ADCK5: variants seen among roughly 807,000 people sequenced by gnomAD.
The protein encoded by ADCK5 is uncharacterized aarF domain-containing protein kinase 5.
ADCK5 carries 43 observed loss-of-function variants against 64.9 expected under a neutral mutation model. That is an observed-to-expected ratio of 0.66 (90% confidence interval 0.52 to 0.85). The LOEUF is 0.85. Among genes scored for constraint, ADCK5 ranks in the 40% least tolerant of loss-of-function variants. The pLI, the probability that ADCK5 is intolerant of heterozygous loss-of-function variation, is 0.00. For synonymous variants in ADCK5, 434 were observed against 342.8 expected (o/e 1.27, Z -2.94); for missense variants, 760 against 810.5 (o/e 0.94, Z 0.76).
rs782622492 is a variant in ADCK5 at position 144,392,820 on chromosome 8, G to A, written c.1565G>A (p.Gly522Asp). 5.0e-6 allele frequency: 8 copies of A among 1,593,250 alleles called. No homozygotes were observed. Among genetic ancestry groups the A allele is most frequent in the East Asian group, 2.3e-5 (1 of 44,360 alleles). The change falls in exon 14 of 15, where the codon GGT (glycine) becomes GAT (aspartate). Residue 522 changes from glycine to aspartate, a missense_variant. Physicochemically the swap from Gly to Asp is moderately conservative, Grantham distance 94 (BLOSUM62 -1). Transcript: ENST00000308860. ...WSRLAGATYRGVYGTSLLRHA... is the reference protein window; with the variant it reads ...WSRLAGATYRDVYGTSLLRHA... ...CGCCTGGCGGGCGCCACGTATCGGG[G>A]TGTCTACGGCACCAGCCTCCTGCGC...
intron 1 of ADCK5, among the ~76,000 whole-genome samples, chr8:144,375,225 C>G (rs1554856894): frequency 1.3e-5 from 2 of 152,214 alleles, no homozygotes; most frequent in Non-Finnish European, 2.9e-5. Context: ...TTAGGAGCTG[C>G]TCATGGCCAG....
chr8:144,386,446 C>G (rs1294500738), intron 3 of ADCK5, among the ~76,000 whole-genome samples: 3 of 151,722 alleles, frequency 2.0e-5, no homozygotes, highest in African/African-American at 7.3e-5. Context: ...CAACCTCCAT[C>G]TCCCGGGTTC....
intron 3 of ADCK5, 152 bp downstream of exon 3, chr8:144,383,382 C>T (rs782498725): frequency 1.4e-4 from 174 of 1,231,816 alleles, no homozygotes; most frequent in Non-Finnish European, 1.9e-4. Flanking sequence ...GCTTTTCAGG[C>T]GTCCTTTCCT....
chr8:144,376,494 G>A lies in ADCK5; in HGVS notation c.12+2387G>A, dbSNP rs1819371378. Among the ~76,000 whole-genome samples the A allele has an allele frequency of 1.3e-5, 2 of 152,192 alleles. No homozygotes were observed. Among genetic ancestry groups the A allele is most frequent in the African/African-American group, 2.4e-5 (1 of 41,452 alleles). ...GGGATCTCTGTCCTGGATAAGAATG[G>A]GAGTGAGAGACGCAGCTGGAGCCCC... On this transcript the variant is annotated intron_variant, in intron 1 of 14. Coordinates refer to ENST00000308860, the MANE Select transcript of ADCK5 (RefSeq NM_174922.5). The surrounding 1 kb of genome is among the most constrained non-coding windows in gnomAD (Gnocchi z 5.1).
Position 144,392,178 on chromosome 8 carries a change from C to CGG in ADCK5, c.1175+10_1175+11dup, listed in dbSNP as rs1586598766. On this transcript the variant is annotated intron_variant, in intron 11 of 14. Coordinates refer to ENST00000308860, the MANE Select transcript of ADCK5 (RefSeq NM_174922.5). Reference sequence around the variant, plus strand: ...CCAGTTCCTGGAGGAGAAGTGAGCGCGGGTGGGTGGGCGTGGGGCAGGGCA... The same window carrying CGG: ...CCAGTTCCTGGAGGAGAAGTGAGCGCGGGGGTGGGTGGGCGTGGGGCAGGGCA... 1 of 339,080 alleles carries CGG rather than the reference C, an allele frequency of 2.9e-6. No individual in the cohort carries two copies. 21.0% of individuals were successfully genotyped at this position (339,080 alleles called of 1,614,324 possible). A position where few individuals can be genotyped will look rare whatever the true frequency, so the allele number is the denominator to read the frequency against.
In ADCK5 at chr8:144,393,185, T is replaced by A; in HGVS notation, c.*111T>A. ...CGTGGGCACTCGCACTGGGGGGCTG[T>A]GACAGCAGCTGGGCCAGGAGGCCGT... On this transcript the variant is annotated 3_prime_UTR_variant, in exon 15 of 15. Transcript: ENST00000308860. 7.4e-7 allele frequency: 1 copy of A among 1,343,110 alleles called. No individual in the cohort carries two copies. Among genetic ancestry groups the A allele is most frequent in the Non-Finnish European group, 1.0e-6 (1 of 1,003,820 alleles). 83.2% of individuals were successfully genotyped at this position (1,343,110 alleles called of 1,614,324 possible).
chr8:144,387,612 C>T (rs1374082274), intron 3 of ADCK5, among the ~76,000 whole-genome samples: 1 of 150,780 alleles, frequency 6.6e-6, no homozygotes, highest in East Asian at 2.0e-4. Context: ...TCCATGTTGG[C>T]CAAGCTGGTC....
At position 144,374,113 on chromosome 8, in the gene ADCK5, G is replaced by T. The variant is rs1182208558; in HGVS notation, c.12+6G>T. ...GGTCGGAGATGTGGCGACCGGTGAG[G>T]ACTCTCCCGGCCCGGGGCGCCCGAG... On this transcript the variant is annotated splice_donor_region_variant and intron_variant, in intron 1 of 14. Coordinates refer to ENST00000308860, the MANE Select transcript of ADCK5 (RefSeq NM_174922.5). The T allele has an allele frequency of 7.2e-6, 9 of 1,248,810 alleles. No individual in the cohort carries two copies. The highest frequency in any genetic ancestry group is 8.1e-6 in the Non-Finnish European group (8 of 989,018). 77.4% of individuals were successfully genotyped at this position (1,248,810 alleles called of 1,614,324 possible).
At chr8:144,382,573 C>T (rs1180454329) in intron 2 of ADCK5, among the ~76,000 whole-genome samples, 11 of 152,226 alleles carry the variant, frequency 7.2e-5, no homozygotes, top group African/African-American at 2.4e-4. Flanking sequence ...CTGTATTCAG[C>T]GTGTATGGTG....
chr8:144,388,783 C>A (rs546829819), intron 3 of ADCK5, among the ~76,000 whole-genome samples: 2 of 151,740 alleles, frequency 1.3e-5, no homozygotes, highest in South Asian at 4.2e-4. Context: ...AAAAAAGAAA[C>A]CGAAACCCTG....
rs1554860760 is a variant in ADCK5, at chr8:144,391,802, T to A, written c.950T>A (p.Phe317Tyr). Reference protein sequence around the residue: ...KSSKRVLTADFCAGCKVNDVE... With the variant: ...KSSKRVLTADYCAGCKVNDVE... ...CCCCAGCGCGTGCTCACTGCCGACT[T>A]CTGCGCCGGCTGCAAGGTCAACGAT... Residue 317 changes from phenylalanine (F) to tyrosine (Y), a missense_variant, in exon 9 of 15, where the codon TTC becomes TAC. Around this residue, in one of 2 missense-constraint regions of ADCK5, gnomAD observed 427 missense variants for 518.4 expected, o/e 0.82. Transcript: ENST00000308860. 1 of 1,558,912 alleles carries A rather than the reference T, an allele frequency of 6.4e-7. No homozygotes were observed. Among genetic ancestry groups the A allele is most frequent in the Admixed American group, 1.8e-5 (1 of 54,652 alleles).
Position 144,392,498 on chromosome 8 carries a change from C to T in ADCK5, c.1321C>T (p.Leu441=). The T allele has an allele frequency of 2.0e-6, 3 of 1,512,424 alleles. No individual in the cohort carries two copies. Among genetic ancestry groups the T allele is most frequent in the Non-Finnish European group, 1.8e-6 (2 of 1,133,958 alleles). 93.7% of individuals were successfully genotyped at this position (1,512,424 alleles called of 1,614,324 possible). A position where few individuals can be genotyped will look rare whatever the true frequency, so the allele number is the denominator to read the frequency against. ...LMQRPVRLGQ[L]WGSHLLSREE... ...GCAGCGCCCCGTGCGCCTGGGGCAG[C>T]TGTGGGGCTCGCACCTACTGAGCCG... The change falls in exon 13 of 15, where the codon CTG becomes TTG. Residue 441 remains leucine, a synonymous_variant. Transcript: ENST00000308860.
chr8:144,381,693 C>T (rs1333350266), intron 2 of ADCK5, among the ~76,000 whole-genome samples: 109 of 147,810 alleles, frequency 7.4e-4, no homozygotes, highest in African/African-American at 2.5e-3. Flanking sequence ...AATTATGGGC[C>T]GGGTGTAGAA....
rs1047857709 is a variant in ADCK5 at position 144,383,770 on chromosome 8, G to A, written c.266+540G>A. On this transcript the variant is annotated intron_variant, in intron 3 of 14. Transcript: ENST00000308860. Reference sequence around the variant, plus strand: ...GAGGACACCTTCTGTTGGAACCCTTGGGTGGGCATTCCTGCTTTTGTCAGA... The same window carrying A: ...GAGGACACCTTCTGTTGGAACCCTTAGGTGGGCATTCCTGCTTTTGTCAGA... Among the ~76,000 whole-genome samples, 8 of 152,262 alleles carry A rather than the reference G, an allele frequency of 5.3e-5. No individual in the cohort carries two copies. In the East Asian group the frequency reaches 1.2e-3, roughly 22 times the overall value.
At chr8:144,374,519 C>A (rs1819284830) in intron 1 of ADCK5, among the ~76,000 whole-genome samples, 1 of 152,142 alleles carries the variant, frequency 6.6e-6, no homozygotes, top group Non-Finnish European at 1.5e-5. Context: ...CACCGGGAGC[C>A]GCAGGGGCCC....
At chr8:144,388,514 C>T (rs1410119910) in intron 3 of ADCK5, among the ~76,000 whole-genome samples, 3 of 149,934 alleles carry the variant, frequency 2.0e-5, no homozygotes, top group Non-Finnish European at 4.4e-5. Context: ...CCTGTAATCC[C>T]AGCACTTTGG....
intron 1 of ADCK5, among the ~76,000 whole-genome samples, chr8:144,377,959 T>C (rs960215564): frequency 1.3e-4 from 20 of 152,258 alleles, no homozygotes; most frequent in Admixed American, 2.0e-4. Context: ...GTCAGGGTGC[T>C]GCCAAGAGAG....
In ADCK5 at chr8:144,388,763, C is replaced by CA. The variant is rs1294944738; in HGVS notation, c.267-1893dup. Reference sequence around the variant, plus strand: ...GGGCGACAGAGCGAGACTCCGTCTCCAAAAAAAAAAAAAAAGAAACCGAAA... The same window carrying CA: ...GGGCGACAGAGCGAGACTCCGTCTCCAAAAAAAAAAAAAAAAGAAACCGAAA... On this transcript the variant is annotated intron_variant, in intron 3 of 14. Coordinates refer to ENST00000308860, the MANE Select transcript of ADCK5 (RefSeq NM_174922.5). Among the ~76,000 whole-genome samples, 620 of 109,178 alleles carry CA rather than the reference C, an allele frequency of 5.7e-3. 6 individuals are homozygous for CA. The highest frequency in any genetic ancestry group is 0.016 in the African/African-American group (448 of 28,640). 71.6% of individuals were successfully genotyped at this position (109,178 alleles called of 152,430 possible). A position where few individuals can be genotyped will look rare whatever the true frequency, so the allele number is the denominator to read the frequency against.
At position 144,390,927 on chromosome 8, in the gene ADCK5, C is replaced by T. The variant is rs202165926; in HGVS notation, c.414C>T (p.Ala138=). The T allele has an allele frequency of 2.5e-6, 4 of 1,612,934 alleles. No individual in the cohort carries two copies. The East Asian group carries it at 8.9e-5, about 36-fold the overall frequency. Residue 138 remains alanine (A), a synonymous_variant, in exon 5 of 15, where the codon GCC becomes GCT. Transcript: ENST00000308860. Reference sequence around the variant, plus strand: ...CGGCTGATGCCCTGGTGGCAGGGGCCATCAGCAACGGGGGCCTCTACGTGA... The same window carrying T: ...CGGCTGATGCCCTGGTGGCAGGGGCTATCAGCAACGGGGGCCTCTACGTGA... ...QRAADALVAG[A]ISNGGLYVKL...
Sources: gnomAD v4.1 joint callset for allele counts (sites outside exome capture counted in the v4.1 genomes callset) on GRCh38, gnomAD v4.1.1 for gene constraint, gnomAD v4.1.1 regional missense constraint, Gnocchi (gnomAD v3.1) non-coding constraint, MANE v1.5 for transcripts, NCBI Gene and HGNC (gene_info 2026-07-23, HGNC 2026-07-21) for gene names.